Variants in WWOX observed in about 807,000 individuals in gnomAD.
WWOX encodes WW domain containing oxidoreductase, also known as WW domain-containing oxidoreductase.
In WWOX, 69 loss-of-function variants were observed where a neutral mutation model predicts 46.2. The observed-to-expected ratio is 1.49, with a 90% confidence interval of 1.23 to 1.82. The LOEUF is 1.82. Among genes scored for constraint, WWOX ranks in the 40% most tolerant of loss-of-function variants. WWOX has a pLI of 0.00. For synonymous variants in WWOX, 359 were observed against 202.6 expected (o/e 1.77, Z -6.56); for missense variants, 919 against 542.6 (o/e 1.69, Z -6.89).
chr16:78,321,460 C>A (rs994594137), intron 5 of WWOX, among the ~76,000 whole-genome samples: 21 of 148,816 alleles, frequency 1.4e-4, no homozygotes, highest in African/African-American at 5.2e-4. Flanking sequence ...AATGTTAAGG[C>A]TAGAGTAGAA....
Position 78,511,850 on chromosome 16 carries a change from A to G in WWOX, c.1056+79098A>G, listed in dbSNP as rs1366096830. Reference sequence around the variant, plus strand: ...AAGGGTCTGCTGGAATGAGACAGAGATGTCTTGATCTGAATATTAAATACA... The same window carrying G: ...AAGGGTCTGCTGGAATGAGACAGAGGTGTCTTGATCTGAATATTAAATACA... On this transcript the variant is annotated intron_variant, in intron 8 of 8. Coordinates refer to ENST00000566780, the MANE Select transcript of WWOX (RefSeq NM_016373.4). Among the ~76,000 whole-genome samples the G allele has an allele frequency of 9.2e-5, 14 of 152,326 alleles. No individual in the cohort carries two copies. In the East Asian group the frequency reaches 2.3e-3, roughly 25 times the overall value.
intron 8 of WWOX, among the ~76,000 whole-genome samples, chr16:78,735,051 G>C (rs1004742539): frequency 2.6e-5 from 4 of 151,184 alleles, no homozygotes; most frequent in East Asian, 4.0e-4. Context: ...GTTGTTAGTA[G>C]AGACAGGGTT....
intron 8 of WWOX, among the ~76,000 whole-genome samples, chr16:78,713,712 C>G (rs1244580821): frequency 6.6e-6 from 1 of 152,176 alleles, no homozygotes; most frequent in African/African-American, 2.4e-5. Context: ...AGAAGCCAAA[C>G]CTGCTGACAC....
At chr16:78,879,711 T>A (rs1306332826) in intron 8 of WWOX, among the ~76,000 whole-genome samples, 1 of 151,846 alleles carries the variant, frequency 6.6e-6, no homozygotes, top group Non-Finnish European at 1.5e-5. Context: ...AACCCTGTCG[T>A]TACTAAAAAT....
At chr16:79,133,941 T>C (rs1230948572) in intron 8 of WWOX, among the ~76,000 whole-genome samples, 1 of 152,170 alleles carries the variant, frequency 6.6e-6, no homozygotes, top group East Asian at 1.9e-4. Flanking sequence ...ACTCAGTGAA[T>C]TCAGGCAAGT....
rs572690206 is a variant in WWOX, at chr16:78,200,132, G to C, written c.516+35843G>C. On this transcript the variant is annotated intron_variant, in intron 5 of 8. Coordinates refer to ENST00000566780, the MANE Select transcript of WWOX (RefSeq NM_016373.4). ...CTGAGTGTCGCCAAGAGATTTCTAA[G>C]GCCAGACATTGAGTCAGCTGTAAAA... 1.8e-4 allele frequency among the ~76,000 whole-genome samples: 27 copies of C among 152,202 alleles called. No individual in the cohort carries two copies. In the South Asian group the frequency reaches 5.2e-3, roughly 29 times the overall value.
chr16:78,573,234 C>T (rs761614990), intron 8 of WWOX, among the ~76,000 whole-genome samples: 2 of 152,062 alleles, frequency 1.3e-5, no homozygotes, highest in Admixed American at 6.5e-5. Flanking sequence ...TGCAGTGAGC[C>T]GAGATCGTGC....
At chr16:79,143,926 A>G (rs908388247) in intron 8 of WWOX, among the ~76,000 whole-genome samples, 2 of 152,108 alleles carry the variant, frequency 1.3e-5, no homozygotes, top group Non-Finnish European at 2.9e-5. Context: ...TTCTTTTGAG[A>G]CTGGGTCTTG....
chr16:79,009,964 T>C (rs1181642226), intron 8 of WWOX, among the ~76,000 whole-genome samples: 1 of 152,182 alleles, frequency 6.6e-6, no homozygotes, highest in Non-Finnish European at 1.5e-5. Context: ...GGGCAAGTCA[T>C]TGACCTTCTC....
At chr16:78,997,451 A>G (rs968500104) in intron 8 of WWOX, among the ~76,000 whole-genome samples, 2 of 152,164 alleles carry the variant, frequency 1.3e-5, no homozygotes, top group Non-Finnish European at 2.9e-5. Context: ...GTATATCTGT[A>G]TGGGCCTGAC....
intron 8 of WWOX, among the ~76,000 whole-genome samples, chr16:79,145,563 C>G (rs778720100): frequency 1.3e-5 from 2 of 152,074 alleles, no homozygotes; most frequent in South Asian, 4.1e-4. Flanking sequence ...AGAAACTAGA[C>G]AAGAATATTC....
chr16:78,233,977 T>C (rs1405118330), intron 5 of WWOX, among the ~76,000 whole-genome samples: 1 of 152,178 alleles, frequency 6.6e-6, no homozygotes, highest in African/African-American at 2.4e-5. Flanking sequence ...GGTAACCTGC[T>C]CTCTTCCATT....
intron 8 of WWOX, among the ~76,000 whole-genome samples, chr16:79,094,594 T>C (rs1250853795): frequency 6.6e-6 from 1 of 152,070 alleles, no homozygotes; most frequent in Non-Finnish European, 1.5e-5. Flanking sequence ...AACAACAAAC[T>C]GCATCAGAGT....
chr16:78,792,672 C>T (rs1439460797), intron 8 of WWOX, among the ~76,000 whole-genome samples: 1 of 152,136 alleles, frequency 6.6e-6, no homozygotes, highest in East Asian at 1.9e-4. Context: ...ACCTTTGGGG[C>T]AGACAATGGA....
chr16:78,941,547 G>T (rs578136997), intron 8 of WWOX, among the ~76,000 whole-genome samples: 1 of 152,088 alleles, frequency 6.6e-6, no homozygotes, highest in East Asian at 1.9e-4. Context: ...GGGACGGGGG[G>T]ATAGAGTTAT....
intron 8 of WWOX, among the ~76,000 whole-genome samples, chr16:78,796,455 C>T (rs555766761): frequency 2.6e-5 from 4 of 152,256 alleles, no homozygotes; most frequent in Non-Finnish European, 5.9e-5. Flanking sequence ...GTCACATGAT[C>T]ACAACCAACT....
intron 8 of WWOX, among the ~76,000 whole-genome samples, chr16:79,021,932 G>T (rs962130362): frequency 6.6e-6 from 1 of 152,194 alleles, no homozygotes; most frequent in Admixed American, 6.5e-5. Flanking sequence ...GTATCACCCA[G>T]TTCACTGAGA....
rs575108099 is a variant in WWOX, at chr16:78,823,927, C to T, written c.1057-387681C>T. On this transcript the variant is annotated intron_variant, in intron 8 of 8. Transcript: ENST00000566780. The stretch of plus-strand genomic sequence containing the variant: ...AGTAGCTAGGACTACAGGCGAGAGC[C>T]ACCATACTGGGCTAATTTTTGTTTT... Among the ~76,000 whole-genome samples, 71 of 152,146 alleles carry T rather than the reference C, an allele frequency of 4.7e-4. 1 individual carries two copies. Among genetic ancestry groups the T allele is most frequent in the Admixed American group, 2.6e-3 (39 of 15,282 alleles).
At chr16:79,091,286 C>CT (rs375647484) in intron 8 of WWOX, among the ~76,000 whole-genome samples, 102 of 149,662 alleles carry the variant, frequency 6.8e-4, no homozygotes, top group African/African-American at 1.8e-3. Flanking sequence ...TTTAATGCTG[C>CT]TTTTTTTTTT....
Sources: gnomAD v4.1 joint callset for allele counts (sites outside exome capture counted in the v4.1 genomes callset) on GRCh38, gnomAD v4.1.1 for gene constraint, MANE v1.5 for transcripts, NCBI Gene and HGNC (gene_info 2026-07-23, HGNC 2026-07-21) for gene names.